SCFD2: variants seen among roughly 807,000 people sequenced by gnomAD.
SCFD2 encodes the protein sec1 family domain containing 2, also known as sec1 family domain-containing protein 2.
Under a neutral mutation model 58.9 loss-of-function variants are expected in SCFD2, and 54 were observed. The observed-to-expected ratio is 0.92, with a 90% CI of 0.74 to 1.15. SCFD2 has a LOEUF of 1.15. Ranked by LOEUF, SCFD2 falls within the 50% of genes most tolerant of loss-of-function variation. The pLI is 0.00. For missense variants in SCFD2, 805 were observed against 836.6 expected, an observed-to-expected ratio of 0.96 and a Z score of 0.47; for synonymous variants, 321 against 335.9, an observed-to-expected ratio of 0.96 and a Z score of 0.49.
chr4:52,992,024 GGTCTCCCTCTCCCCGCA>G lies in SCFD2; in HGVS notation c.1562-71171_1562-71155del, dbSNP rs902596150. On this transcript the variant is annotated intron_variant, in intron 5 of 8. Coordinates refer to ENST00000401642, the MANE Select transcript of SCFD2 (RefSeq NM_152540.4). Reference sequence around the variant, plus strand: ...CTCCCCACAGTCTCCCTCTCCCCACGGTCTCCCTCTCCCCGCAGTCTCCCTCTCCCCACGGTCTCCCT... The same window carrying G: ...CTCCCCACAGTCTCCCTCTCCCCACGGTCTCCCTCTCCCCACGGTCTCCCT... 7.9e-5 allele frequency among the ~76,000 whole-genome samples: 12 copies of G among 151,220 alleles called. No homozygotes were observed. The South Asian group carries it at 1.3e-3, about 16-fold the overall frequency.
chr4:53,306,900 G>A (rs1329792354), intron 3 of SCFD2, among the ~76,000 whole-genome samples: 2 of 152,210 alleles, frequency 1.3e-5, no homozygotes, highest in Non-Finnish European at 2.9e-5. Flanking sequence ...ATTTTTGTGT[G>A]CAAATGAGTG....
chr4:52,906,601 C>A (rs921159279), intron 7 of SCFD2, among the ~76,000 whole-genome samples: 2 of 152,190 alleles, frequency 1.3e-5, no homozygotes, highest in Non-Finnish European at 2.9e-5. Flanking sequence ...ACCTGCAGGT[C>A]CGCTCCAGCA....
At chr4:52,971,656 A>G (rs1032687293) in intron 5 of SCFD2, among the ~76,000 whole-genome samples, 1 of 152,178 alleles carries the variant, frequency 6.6e-6, no homozygotes, top group African/African-American at 2.4e-5. Context: ...AATTCAGGAA[A>G]TACAGGGAAC....
intron 5 of SCFD2, among the ~76,000 whole-genome samples, chr4:52,992,041 A>C (rs145583413): frequency 6.6e-6 from 1 of 151,136 alleles, no homozygotes; most frequent in Non-Finnish European, 1.5e-5. Flanking sequence ...CTCTCCCCGC[A>C]GTCTCCCTCT....
intron 5 of SCFD2, among the ~76,000 whole-genome samples, chr4:53,059,395 T>C (rs1723439746): frequency 6.6e-6 from 1 of 152,170 alleles, no homozygotes; most frequent in Admixed American, 6.6e-5. Context: ...AAGAAGTAGA[T>C]ACTTTTAGCT....
intron 5 of SCFD2, among the ~76,000 whole-genome samples, chr4:52,995,354 C>T (rs773640687): frequency 2.6e-5 from 4 of 152,144 alleles, no homozygotes; most frequent in East Asian, 1.9e-4. Context: ...GGAGCTCAGG[C>T]GGTAATGCTC....
intron 3 of SCFD2, among the ~76,000 whole-genome samples, chr4:53,291,205 C>T (rs1731828936): frequency 2.0e-5 from 3 of 152,104 alleles, no homozygotes; most frequent in Non-Finnish European, 4.4e-5. Context: ...CAACAAAATA[C>T]TAGCATACAA....
chr4:52,917,550 G>A (rs1355996703), intron 6 of SCFD2, among the ~76,000 whole-genome samples: 2 of 152,110 alleles, frequency 1.3e-5, no homozygotes, highest in Non-Finnish European at 2.9e-5. Flanking sequence ...CAGATACCAT[G>A]GTGATCAAAG....
intron 2 of SCFD2, among the ~76,000 whole-genome samples, chr4:53,328,385 T>C (rs1733286304): frequency 6.6e-6 from 1 of 152,064 alleles, no homozygotes; most frequent in Non-Finnish European, 1.5e-5. Flanking sequence ...CTAGGATAGG[T>C]ACAAGATGAA....
chr4:53,107,820 G>A (rs1725050130), intron 5 of SCFD2, among the ~76,000 whole-genome samples: 1 of 152,160 alleles, frequency 6.6e-6, no homozygotes, highest in Admixed American at 6.5e-5. Flanking sequence ...AGATGAATGA[G>A]ACAGAAAATT....
intron 5 of SCFD2, among the ~76,000 whole-genome samples, chr4:53,078,447 C>T (rs879310571): frequency 6.6e-6 from 1 of 152,162 alleles, no homozygotes. Context: ...AAAGATTTCA[C>T]TTTGACAAAG....
intron 3 of SCFD2, among the ~76,000 whole-genome samples, chr4:53,303,428 C>T (rs1025685820): frequency 1.3e-5 from 2 of 152,060 alleles, no homozygotes; most frequent in Admixed American, 1.3e-4. Context: ...GTTAGAATGG[C>T]AATCATTAAA....
At chr4:53,189,540 C>G (rs1010591613) in intron 4 of SCFD2, among the ~76,000 whole-genome samples, 1 of 152,102 alleles carries the variant, frequency 6.6e-6, no homozygotes, top group Non-Finnish European at 1.5e-5. Context: ...ATGGCGGGGC[C>G]TGAGAGAGCA....
At chr4:53,271,590 G>A (rs888407739) in intron 4 of SCFD2, among the ~76,000 whole-genome samples, 1 of 151,948 alleles carries the variant, frequency 6.6e-6, no homozygotes, top group African/African-American at 2.4e-5. Context: ...AGCCTCCCGA[G>A]TAGCTGGGAC....
At chr4:53,009,031 T>C (rs1459087339) in intron 5 of SCFD2, among the ~76,000 whole-genome samples, 2 of 152,216 alleles carry the variant, frequency 1.3e-5, no homozygotes, top group African/African-American at 4.8e-5. Flanking sequence ...GGGACTCTAA[T>C]GGCTTTCCTT....
chr4:52,900,596 A>T (rs189540001), intron 7 of SCFD2, among the ~76,000 whole-genome samples: 1 of 152,280 alleles, frequency 6.6e-6, no homozygotes, highest in East Asian at 1.9e-4. Flanking sequence ...TCAGGGACCC[A>T]CTTGAGGAGG....
chr4:52,907,508 C>A lies in SCFD2; in HGVS notation c.1791G>T (p.Met597Ile). ...ERPDSVDIEHMSSGLTDLLKT... is the reference protein window; with the variant it reads ...ERPDSVDIEHISSGLTDLLKT... ...TAAGGAGATCAGTGAGGCCTGAAGA[C>A]ATGTGTTCAATATCAACGGAATCTG... The change falls in exon 7 of 9, where the codon ATG becomes ATT. Residue 597 changes from methionine to isoleucine, a missense_variant. Physicochemically the swap from Met to Ile is conservative, Grantham distance 10 (BLOSUM62 1). Around this residue, in one of 3 missense-constraint regions of SCFD2, gnomAD observed 633 missense variants for 646.8 expected, o/e 0.98. Transcript: ENST00000401642. 1 of 1,614,010 alleles carries A rather than the reference C, an allele frequency of 6.2e-7. No individual in the cohort carries two copies. The highest frequency in any genetic ancestry group is 8.5e-7 in the Non-Finnish European group (1 of 1,179,908).
chr4:53,240,925 A>G lies in SCFD2; in HGVS notation c.1311+32901T>C, dbSNP rs116162039. ...GCCAGGAGGAACACCTCCCACACCA[A>G]GGGACCAGGACATCAGGAAGACTGG... On this transcript the variant is annotated intron_variant, in intron 4 of 8. Transcript: ENST00000401642. Among the ~76,000 whole-genome samples the G allele has an allele frequency of 4.5e-3, 682 of 152,340 alleles. 2 individuals are homozygous for G. The highest frequency in any genetic ancestry group is 0.016 in the African/African-American group (656 of 41,570).
At chr4:53,244,727 C>T (rs1429213640) in intron 4 of SCFD2, among the ~76,000 whole-genome samples, 2 of 150,472 alleles carry the variant, frequency 1.3e-5, no homozygotes, top group Non-Finnish European at 3.0e-5. Flanking sequence ...TAGCAGAAGA[C>T]AAGAAATAAG....
Sources: allele counts gnomAD v4.1 joint callset (sites outside exome capture counted in the v4.1 genomes callset), GRCh38; gene constraint gnomAD v4.1.1; regional missense constraint gnomAD v4.1.1; transcripts MANE v1.5; gene names NCBI Gene and HGNC (gene_info 2026-07-23, HGNC 2026-07-21).